FMNL2: variants seen among roughly 807,000 people sequenced by gnomAD.
FMNL2 encodes formin like 2, also known as formin-like protein 2.
Under a neutral mutation model 130.2 loss-of-function variants are expected in FMNL2, and 51 were observed. That is an observed-to-expected ratio of 0.39 (90% CI 0.31 to 0.49). The LOEUF (loss-of-function observed/expected upper bound fraction) is 0.49. FMNL2 is among the 20% of genes least tolerant of loss of function. The pLI is 0.85. For missense variants in FMNL2, 977 were observed against 1,316.2 expected (o/e 0.74, Z 3.99); for synonymous variants, 465 against 467.1 (o/e 1.00, Z 0.06).
chr2:152,587,805 A>T (rs1697168697), intron 9 of FMNL2, among the ~76,000 whole-genome samples: 1 of 152,266 alleles, frequency 6.6e-6, no homozygotes, highest in African/African-American at 2.4e-5. Flanking sequence ...ATTGATAAAT[A>T]TTGGAATATG....
intron 11 of FMNL2, among the ~76,000 whole-genome samples, chr2:152,612,561 G>A (rs1025832192): frequency 1.3e-5 from 2 of 152,174 alleles, no homozygotes; most frequent in African/African-American, 2.4e-5. Context: ...AGGCAGTTTT[G>A]TTTTCCCTTT....
chr2:152,481,526 G>T (rs1317112432), intron 1 of FMNL2, among the ~76,000 whole-genome samples: 1 of 152,180 alleles, frequency 6.6e-6, no homozygotes, highest in Non-Finnish European at 1.5e-5. Context: ...TTTCCCCCAA[G>T]ATTCTGATTT....
At chr2:152,469,048 A>T (rs1017272703) in intron 1 of FMNL2, among the ~76,000 whole-genome samples, 2 of 152,252 alleles carry the variant, frequency 1.3e-5, no homozygotes, top group African/African-American at 4.8e-5. Context: ...GAGAAAATTA[A>T]CATGAGCCAA....
intron 13 of FMNL2, 23 bp downstream of exon 13, chr2:152,617,215 C>T: frequency 6.2e-7 from 1 of 1,604,526 alleles, no homozygotes; most frequent in Non-Finnish European, 8.5e-7. Context: ...ATGACAACTG[C>T]CCAGATGGGC....
At chr2:152,646,810 A>G (rs1301534848) in intron 25 of FMNL2, among the ~76,000 whole-genome samples, 1 of 152,258 alleles carries the variant, frequency 6.6e-6, no homozygotes, top group Non-Finnish European at 1.5e-5. Flanking sequence ...AAAAGTATAA[A>G]GCCTGCTTTA....
chr2:152,602,840 T>C (rs1306774618), intron 9 of FMNL2, among the ~76,000 whole-genome samples: 2 of 152,152 alleles, frequency 1.3e-5, no homozygotes, highest in African/African-American at 2.4e-5. Flanking sequence ...TGAAAATTAG[T>C]GTCTCGTTCC....
chr2:152,508,125 A>T (rs1692277461), intron 1 of FMNL2, among the ~76,000 whole-genome samples: 1 of 152,308 alleles, frequency 6.6e-6, no homozygotes, highest in South Asian at 2.1e-4. Flanking sequence ...CTTATCATTT[A>T]TAAATATATG....
intron 4 of FMNL2, among the ~76,000 whole-genome samples, chr2:152,551,417 TTA>T (rs1276830798): frequency 6.6e-6 from 1 of 152,220 alleles, no homozygotes; most frequent in Non-Finnish European, 1.5e-5. Flanking sequence ...AGCTTTGGCT[TTA>T]GCAGCAGAAA....
chr2:152,619,327 C>T (rs1483668332), intron 14 of FMNL2, among the ~76,000 whole-genome samples, 169 bp downstream of exon 14: 1 of 152,174 alleles, frequency 6.6e-6, no homozygotes. Context: ...TTTATAAATC[C>T]TCATTTCACA....
In FMNL2 at chr2:152,640,182, T is replaced by G. The variant is rs148293134; in HGVS notation, c.3045+126T>G. ...ATCCTGACCACTTCCTTCTGGTGCC[T>G]GGACACTTGGCAAATGGAAATATGC... On this transcript the variant is annotated intron_variant, in intron 24 of 25. Coordinates refer to ENST00000288670, the MANE Select transcript of FMNL2 (RefSeq NM_052905.4). 192 of 702,396 alleles carry G rather than the reference T, an allele frequency of 2.7e-4. 1 individual carries two copies. The African/African-American group carries it at 3.3e-3, about 12-fold the overall frequency. 43.5% of individuals were successfully genotyped at this position (702,396 alleles called of 1,614,324 possible). A position where few individuals can be genotyped will look rare whatever the true frequency, so the allele number is the denominator to read the frequency against.
intron 1 of FMNL2, among the ~76,000 whole-genome samples, chr2:152,424,221 G>A (rs1687059927): frequency 6.6e-6 from 1 of 152,118 alleles, no homozygotes; most frequent in Admixed American, 6.5e-5. Context: ...GAAGTATTCG[G>A]TGGTACACAT....
chr2:152,522,655 T>C (rs1393973437), intron 2 of FMNL2, among the ~76,000 whole-genome samples: 1 of 152,206 alleles, frequency 6.6e-6, no homozygotes, highest in Non-Finnish European at 1.5e-5. Context: ...ACAAACTCTT[T>C]GCTCTTTTCT....
chr2:152,553,974 T>G (rs1695074868), intron 4 of FMNL2, among the ~76,000 whole-genome samples: 1 of 152,060 alleles, frequency 6.6e-6, no homozygotes, highest in African/African-American at 2.4e-5. Context: ...TAGAGATGAG[T>G]TTTTTAAATG....
At chr2:152,442,242 CTTTCTT>C (rs1156282658) in intron 1 of FMNL2, among the ~76,000 whole-genome samples, 6 of 151,306 alleles carry the variant, frequency 4.0e-5, no homozygotes, top group African/African-American at 7.3e-5. Flanking sequence ...TTCTTTTTTT[CTTTCTT>C]TTTCTTTTTC....
intron 9 of FMNL2, among the ~76,000 whole-genome samples, chr2:152,585,621 G>A (rs1292005325): frequency 1.3e-5 from 2 of 152,144 alleles, no homozygotes; most frequent in Non-Finnish European, 2.9e-5. Flanking sequence ...CTTTGAAGCT[G>A]CGCCACCAGA....
At position 152,576,297 on chromosome 2, in the gene FMNL2, G is replaced by A. The variant is rs371077013; in HGVS notation, c.705+1053G>A. ...GCCCCTGTTCCACATAGGCAACTGA[G>A]AATACAGCATTGAATAAATCTGTGG... On this transcript the variant is annotated intron_variant, in intron 7 of 25. Coordinates refer to ENST00000288670, the MANE Select transcript of FMNL2 (RefSeq NM_052905.4). Among the ~76,000 whole-genome samples the A allele has an allele frequency of 5.5e-4, 83 of 152,252 alleles. 1 individual carries two copies. In the South Asian group the frequency reaches 8.5e-3, roughly 16 times the overall value.
At chr2:152,643,013 AAAAAC>A (rs913153057) in intron 25 of FMNL2, among the ~76,000 whole-genome samples, 33 of 152,282 alleles carry the variant, frequency 2.2e-4, no homozygotes, top group Middle Eastern at 3.4e-3. Context: ...TGTCTCAAAA[AAAAAC>A]AAAACAAAAC....
At chr2:152,579,433 C>T (rs1057446300) in intron 8 of FMNL2, among the ~76,000 whole-genome samples, 33 of 152,244 alleles carry the variant, frequency 2.2e-4, no homozygotes, top group Non-Finnish European at 3.8e-4. Context: ...CGCAGTGGCT[C>T]ATGCCTGTAA....
intron 6 of FMNL2, among the ~76,000 whole-genome samples, chr2:152,573,738 C>T (rs1696311467): frequency 6.6e-6 from 1 of 152,040 alleles, no homozygotes; most frequent in Non-Finnish European, 1.5e-5. Flanking sequence ...AATTTTTAAA[C>T]CAAATACCAT....
Sources: gnomAD v4.1 joint callset for allele counts (sites outside exome capture counted in the v4.1 genomes callset) on GRCh38, gnomAD v4.1.1 for gene constraint, MANE v1.5 for transcripts, NCBI Gene and HGNC (gene_info 2026-07-23, HGNC 2026-07-21) for gene names.